WDPCP: variants seen among roughly 807,000 people sequenced by gnomAD.
The protein encoded by WDPCP is WD repeat-containing and planar cell polarity effector protein fritz homolog.
In WDPCP, 71 loss-of-function variants were observed where a neutral mutation model predicts 93.1. The ratio of observed to expected loss-of-function variants is 0.76; its 90% CI spans 0.63 to 0.93. The LOEUF is 0.93. Among genes scored for constraint, WDPCP ranks in the 40% least tolerant of loss-of-function variants. The pLI, the probability that WDPCP is intolerant of heterozygous loss-of-function variation, is 0.00. For synonymous variants in WDPCP, 315 were observed against 315.0 expected (o/e 1.00, Z 0.00); for missense variants, 844 against 887.4 (o/e 0.95, Z 0.62).
chr2:63,486,452 A>G, intron 4 of WDPCP, 90 bp downstream of exon 4: 1 of 1,246,466 alleles, frequency 8.0e-7, no homozygotes, highest in Non-Finnish European at 1.1e-6. Context: ...TTTGGAGGGA[A>G]TAAAGTTTCC....
intron 2 of WDPCP, among the ~76,000 whole-genome samples, chr2:63,682,800 C>T (rs1343938892): frequency 2.6e-5 from 4 of 151,982 alleles, no homozygotes; most frequent in African/African-American, 7.2e-5. Context: ...CAGAATATTA[C>T]AACACTGTAA....
intron 13 of WDPCP, among the ~76,000 whole-genome samples, chr2:63,287,420 TCTTC>T (rs1684088551): frequency 6.6e-6 from 1 of 152,142 alleles, no homozygotes; most frequent in Non-Finnish European, 1.5e-5. Context: ...CTCACGCTAC[TCTTC>T]CTGTTGTAAC....
chr2:63,741,186 C>T (rs1351485985), intron 2 of WDPCP, among the ~76,000 whole-genome samples: 1 of 152,146 alleles, frequency 6.6e-6, no homozygotes, highest in Non-Finnish European at 1.5e-5. Context: ...TGTGCAATGT[C>T]TCTTACTTTG....
intron 2 of WDPCP, 102 bp downstream of exon 2, chr2:63,492,754 G>A: frequency 6.8e-6 from 7 of 1,026,230 alleles, no homozygotes; most frequent in Admixed American, 2.2e-5. Flanking sequence ...AAGAAAGAAT[G>A]CAACTCCAGC....
rs144381777 is a variant in WDPCP at position 63,563,577 on chromosome 2, G to A, written c.75+24620C>T. Among the ~76,000 whole-genome samples, 155 of 152,084 alleles carry A rather than the reference G, an allele frequency of 1.0e-3. 1 individual carries two copies. The highest frequency in any genetic ancestry group is 3.7e-3 in the African/African-American group (153 of 41,492). On this transcript the variant is annotated intron_variant, in intron 1 of 17. Coordinates refer to ENST00000272321, the MANE Select transcript of WDPCP (RefSeq NM_015910.7). ...GGAGAAATGGGGAATGACTACTAAT[G>A]CATATAGGCCTGCTTTTTGGGTTGA...
At chr2:63,833,942 A>C in the WDPCP span, among the ~76,000 whole-genome samples, 1 of 152,108 alleles carries the variant, frequency 6.6e-6, no homozygotes, top group Non-Finnish European at 1.5e-5. Flanking sequence ...ATTATAAATA[A>C]ATATATGAAC....
chr2:63,188,944 A>G (rs1253265032), intron 14 of WDPCP, among the ~76,000 whole-genome samples: 1 of 152,096 alleles, frequency 6.6e-6, no homozygotes, highest in Non-Finnish European at 1.5e-5. Flanking sequence ...TACTTAGGGG[A>G]AAACTGTGAC....
At chr2:63,313,886 A>ATATATATATTTT in intron 12 of WDPCP, among the ~76,000 whole-genome samples, 1 of 74,472 alleles carries the variant, frequency 1.3e-5, no homozygotes, top group East Asian at 3.9e-4. Flanking sequence ...ATATATATAT[A>ATATATATATTTT]TTTTTTTTTT....
chr2:63,655,468 AT>A (rs950648562), intron 2 of WDPCP, among the ~76,000 whole-genome samples: 9 of 151,678 alleles, frequency 5.9e-5, no homozygotes, highest in Non-Finnish European at 1.0e-4. Flanking sequence ...CTCTTCTATA[AT>A]TTTTTTTGCT....
chr2:63,237,461 C>T (rs1024802207), intron 14 of WDPCP, among the ~76,000 whole-genome samples: 2 of 152,114 alleles, frequency 1.3e-5, no homozygotes, highest in Admixed American at 1.3e-4. Context: ...CAATTACATC[C>T]AGTAATCCCA....
chr2:63,198,237 T>C (rs1675605527), intron 14 of WDPCP, among the ~76,000 whole-genome samples: 1 of 152,254 alleles, frequency 6.6e-6, no homozygotes, highest in South Asian at 2.1e-4. Context: ...GCTTTTATCA[T>C]ACACTAAATT....
At chr2:63,657,276 CT>C (rs1710179605) in intron 2 of WDPCP, among the ~76,000 whole-genome samples, 1 of 148,424 alleles carries the variant, frequency 6.7e-6, no homozygotes. Context: ...CCGATCTCGA[CT>C]CACTGCAAGC....
At chr2:63,755,975 A>G (rs1575765480) in intron 2 of WDPCP, among the ~76,000 whole-genome samples, 1 of 152,342 alleles carries the variant, frequency 6.6e-6, no homozygotes, top group Non-Finnish European at 1.5e-5. Context: ...AAACAGTAAA[A>G]TCTCAGATAG....
At chr2:63,500,454 G>GGTGTGTGTGTGTGTGTGTGTGTGTGT (rs35916043) in intron 1 of WDPCP, among the ~76,000 whole-genome samples, 1 of 149,474 alleles carries the variant, frequency 6.7e-6, no homozygotes, top group African/African-American at 2.5e-5. Flanking sequence ...ATGGTGTGGG[G>GGTGTGTGTGTGTGTGTGTGTGTGTGT]GTGTGTGTGT....
chr2:63,602,816 GTT>G (rs1709450117), intron 3 of WDPCP, among the ~76,000 whole-genome samples: 1 of 151,920 alleles, frequency 6.6e-6, no homozygotes, highest in Non-Finnish European at 1.5e-5. Flanking sequence ...TTTTCACTCA[GTT>G]TAATGCCTTT....
At chr2:63,516,679 T>C (rs951787688) in intron 1 of WDPCP, among the ~76,000 whole-genome samples, 3 of 152,180 alleles carry the variant, frequency 2.0e-5, no homozygotes, top group African/African-American at 7.2e-5. Flanking sequence ...AGCATTCAGA[T>C]GACTGCCACC....
chr2:63,191,276 C>T (rs1229484681), intron 14 of WDPCP, among the ~76,000 whole-genome samples: 2 of 152,196 alleles, frequency 1.3e-5, no homozygotes, highest in Non-Finnish European at 2.9e-5. Context: ...CCTGTAGTCC[C>T]AGCTACTTGG....
chr2:63,462,421 C>A (rs955598769), intron 6 of WDPCP, among the ~76,000 whole-genome samples: 9 of 152,188 alleles, frequency 5.9e-5, no homozygotes, highest in African/African-American at 9.7e-5. Context: ...ATGGGCGCAG[C>A]ACACCAACAT....
chr2:63,262,308 T>C (rs1681699749), intron 13 of WDPCP, among the ~76,000 whole-genome samples: 1 of 152,056 alleles, frequency 6.6e-6, no homozygotes, highest in Admixed American at 6.6e-5. Flanking sequence ...AATGAACATC[T>C]GATTAAAATA....
Sources: gnomAD v4.1 joint callset for allele counts (sites outside exome capture counted in the v4.1 genomes callset) on GRCh38, gnomAD v4.1.1 for gene constraint, MANE v1.5 for transcripts, NCBI Gene and HGNC (gene_info 2026-07-23, HGNC 2026-07-21) for gene names.